PRRX1: variants seen among roughly 807,000 people sequenced by gnomAD.
PRRX1 encodes the protein paired related homeobox 1.
In PRRX1, 8 loss-of-function variants were observed where a neutral mutation model predicts 24.0. That is an observed-to-expected ratio of 0.33 (90% confidence interval 0.20 to 0.60). The LOEUF is 0.60. Among genes scored for constraint, PRRX1 ranks in the 20% least tolerant of loss-of-function variants. The pLI, the probability that PRRX1 is intolerant of heterozygous loss-of-function variation, is 0.82. For missense variants in PRRX1, 281 were observed against 322.4 expected (o/e 0.87, Z 0.98); for synonymous variants, 160 against 131.7 (o/e 1.22, Z -1.47).
chr1:170,692,592 C>CTT (rs578239671), intron 1 of PRRX1, among the ~76,000 whole-genome samples: 2 of 121,944 alleles, frequency 1.6e-5, no homozygotes, highest in African/African-American at 3.0e-5. Context: ...CTAGTTGAAT[C>CTT]TTTTTTTTTT....
intron 1 of PRRX1, among the ~76,000 whole-genome samples, chr1:170,688,489 CAGGTGAAT>C (rs1653820439): frequency 6.6e-6 from 1 of 151,876 alleles, no homozygotes; most frequent in African/African-American, 2.4e-5. Flanking sequence ...AAATTAATTT[CAGGTGAAT>C]GTTCAGGGTT....
At chr1:170,668,885 A>G (rs1352326914) in intron 1 of PRRX1, 1 of 152,158 alleles carries the variant, frequency 6.6e-6, no homozygotes, top group Non-Finnish European at 1.5e-5. Flanking sequence ...CTTTAAGGGT[A>G]GCTTGGAAAC....
chr1:170,726,804 C>G (rs2101922838), intron 3 of PRRX1: 1 of 158,188 alleles, frequency 6.3e-6, no homozygotes, highest in African/African-American at 2.4e-5. Flanking sequence ...TTGTAAAACT[C>G]CAAGTATAGG....
chr1:170,666,149 G>C (rs998854321), intron 1 of PRRX1, among the ~76,000 whole-genome samples: 2 of 152,144 alleles, frequency 1.3e-5, no homozygotes, highest in Non-Finnish European at 2.9e-5. Flanking sequence ...GTCCAGGCGC[G>C]GTGGCTCACG....
At chr1:170,683,773 G>A (rs1456110499) in intron 1 of PRRX1, among the ~76,000 whole-genome samples, 2 of 152,208 alleles carry the variant, frequency 1.3e-5, no homozygotes, top group African/African-American at 4.8e-5. Context: ...ATTCAGATAT[G>A]TGAAGACTTG....
chr1:170,680,306 G>T (rs1653467900), intron 1 of PRRX1, among the ~76,000 whole-genome samples: 1 of 152,174 alleles, frequency 6.6e-6, no homozygotes, highest in East Asian at 1.9e-4. Context: ...GGATAAGTAT[G>T]ATTTTAGAAA....
intron 1 of PRRX1, among the ~76,000 whole-genome samples, chr1:170,673,349 G>C (rs1223692327): frequency 6.6e-6 from 1 of 152,178 alleles, no homozygotes; most frequent in Non-Finnish European, 1.5e-5. Flanking sequence ...TCCAGCAGTA[G>C]TATACTACTG....
At chr1:170,712,081 T>C (rs1455115997) in intron 1 of PRRX1, among the ~76,000 whole-genome samples, 1 of 152,214 alleles carries the variant, frequency 6.6e-6, no homozygotes, top group African/African-American at 2.4e-5. Flanking sequence ...CTTTAGCTCT[T>C]GGCTTTCTTT....
chr1:170,737,695 C>G lies in PRRX1; in HGVS notation c.*1509C>G, dbSNP rs1482942616. ...GGGAGCCAGGACTGATCTTCCATTT[C>G]TTTTTCTTTGTTCCCAGCCATGCTT... is the stretch of plus-strand genomic sequence containing the variant. On this transcript the variant is annotated 3_prime_UTR_variant, in exon 4 of 4. Coordinates refer to ENST00000239461, the MANE Select transcript of PRRX1 (RefSeq NM_022716.4). The G allele has an allele frequency of 4.5e-6, 1 of 221,736 alleles. No individual in the cohort carries two copies. The highest frequency in any genetic ancestry group is 5.7e-5 in the Admixed American group (1 of 17,404). 13.7% of individuals were successfully genotyped at this position (221,736 alleles called of 1,614,324 possible).
intron 1 of PRRX1, among the ~76,000 whole-genome samples, chr1:170,698,844 G>T (rs1411103382): frequency 6.6e-6 from 1 of 152,242 alleles, no homozygotes; most frequent in Admixed American, 6.5e-5. Context: ...AGTCCTGAGA[G>T]GGGAGGAGGG....
intron 1 of PRRX1, among the ~76,000 whole-genome samples, chr1:170,704,262 A>G (rs1654489357): frequency 1.3e-5 from 2 of 152,246 alleles, no homozygotes; most frequent in African/African-American, 4.8e-5. Flanking sequence ...AGGCCTATAT[A>G]AACGCAACCT....
chr1:170,705,928 A>G (rs993018225), intron 1 of PRRX1, among the ~76,000 whole-genome samples: 3 of 108,392 alleles, frequency 2.8e-5, no homozygotes, highest in African/African-American at 1.4e-4. Context: ...ACACACACAC[A>G]CACACATACA....
intron 3 of PRRX1, chr1:170,730,130 G>C (rs1269079355): frequency 8.9e-6 from 7 of 785,026 alleles, no homozygotes; most frequent in Non-Finnish European, 1.6e-5. Context: ...AAGAAAGCTA[G>C]TGATGAGTGA....
chr1:170,685,952 A>G (rs887294967), intron 1 of PRRX1, among the ~76,000 whole-genome samples: 7 of 152,112 alleles, frequency 4.6e-5, no homozygotes, highest in Admixed American at 2.0e-4. Context: ...AGCAAATTCA[A>G]TTGGACATAT....
chr1:170,730,920 C>A (rs959818518), intron 3 of PRRX1, among the ~76,000 whole-genome samples: 1 of 152,056 alleles, frequency 6.6e-6, no homozygotes, highest in East Asian at 1.9e-4. Flanking sequence ...TAGAAAGATA[C>A]AAGAGGCTTT....
At chr1:170,715,756 G>T (rs1161520261) in intron 1 of PRRX1, among the ~76,000 whole-genome samples, 3 of 152,166 alleles carry the variant, frequency 2.0e-5, no homozygotes, top group Admixed American at 1.3e-4. Flanking sequence ...GATGAGAATG[G>T]TTGCATTTTT....
Position 170,729,469 on chromosome 1 carries a change from G to T in PRRX1, c.599+3068G>T, listed in dbSNP as rs572219004. ...AAAAGCAGTTATTTGCATATGGTCA[G>T]AATTTTGGGTTGGAAAATAGCCAAC... On this transcript the variant is annotated intron_variant, in intron 3 of 3. Transcript: ENST00000239461. Among the ~76,000 whole-genome samples the T allele has an allele frequency of 2.0e-5, 3 of 152,298 alleles. No homozygotes were observed. In the South Asian group the frequency reaches 6.2e-4, roughly 32 times the overall value.
intron 1 of PRRX1, among the ~76,000 whole-genome samples, chr1:170,714,707 G>A (rs909290669): frequency 6.6e-6 from 1 of 152,158 alleles, no homozygotes; most frequent in Non-Finnish European, 1.5e-5. Flanking sequence ...AGTGAATAGG[G>A]ATCACCACAT....
At chr1:170,691,153 A>G (rs181538769) in intron 1 of PRRX1, among the ~76,000 whole-genome samples, 1 of 152,244 alleles carries the variant, frequency 6.6e-6, no homozygotes, top group Admixed American at 6.5e-5. Flanking sequence ...TCCAGTGCCA[A>G]TCATAGACCT....
Sources: allele counts gnomAD v4.1 joint callset (sites outside exome capture counted in the v4.1 genomes callset), GRCh38; gene constraint gnomAD v4.1.1; transcripts MANE v1.5; gene names NCBI Gene and HGNC (gene_info 2026-07-23, HGNC 2026-07-21).